NBEA: variants seen among roughly 807,000 people sequenced by gnomAD.
NBEA encodes lysosomal-trafficking regulator 2.
NBEA carries 44 observed loss-of-function variants against 343.4 expected under a neutral mutation model. That is an observed-to-expected ratio of 0.13 (90% confidence interval 0.10 to 0.16). The LOEUF is 0.16. Ranked by LOEUF, NBEA falls within the 10% of genes least tolerant of loss-of-function variation. The pLI is 1.00. For synonymous variants in NBEA, 1,175 were observed against 1,238.7 expected, an observed-to-expected ratio of 0.95 and a Z score of 1.08; for missense variants, 2,555 against 3,631.3, an observed-to-expected ratio of 0.70 and a Z score of 7.62.
At chr13:35,291,604 G>A (rs1022602646) in intron 35 of NBEA, among the ~76,000 whole-genome samples, 2 of 151,842 alleles carry the variant, frequency 1.3e-5, no homozygotes, top group Admixed American at 6.6e-5. Context: ...GGACCTTTTC[G>A]ATTCATGATG....
intron 40 of NBEA, among the ~76,000 whole-genome samples, chr13:35,458,179 G>T (rs2046687372): frequency 6.6e-6 from 1 of 152,190 alleles, no homozygotes; most frequent in African/African-American, 2.4e-5. Context: ...ATTCTCATCA[G>T]CGGCATGTGA....
chr13:35,427,807 G>C (rs2044800651), intron 38 of NBEA, among the ~76,000 whole-genome samples: 1 of 152,196 alleles, frequency 6.6e-6, no homozygotes. Context: ...CCGCTGCTTT[G>C]TTTACCTAAT....
chr13:35,654,303 C>A (rs1204761800), intron 53 of NBEA, among the ~76,000 whole-genome samples: 1 of 152,158 alleles, frequency 6.6e-6, no homozygotes, highest in Non-Finnish European at 1.5e-5. Context: ...CTGGAAAGGC[C>A]TTCTGTCTGT....
chr13:35,086,261 C>T (rs886525253), intron 10 of NBEA, among the ~76,000 whole-genome samples: 4 of 151,932 alleles, frequency 2.6e-5, no homozygotes, highest in East Asian at 1.9e-4. Flanking sequence ...AAAAAGAGCC[C>T]GCATTGCCAA....
At chr13:35,370,667 C>T (rs1009609647) in intron 38 of NBEA, among the ~76,000 whole-genome samples, 1 of 151,920 alleles carries the variant, frequency 6.6e-6, no homozygotes, top group Admixed American at 6.6e-5. Context: ...ATAGTGGTAA[C>T]ATTTGAGTTC....
intron 39 of NBEA, among the ~76,000 whole-genome samples, chr13:35,435,744 A>G (rs983152264): frequency 2.6e-5 from 4 of 152,212 alleles, no homozygotes; most frequent in Non-Finnish European, 5.9e-5. Flanking sequence ...TATCCACTGT[A>G]AATGAGCTTA....
chr13:35,428,969 T>C (rs977896463), intron 38 of NBEA, among the ~76,000 whole-genome samples: 2 of 152,186 alleles, frequency 1.3e-5, no homozygotes, highest in Non-Finnish European at 2.9e-5. Context: ...GAGGCTCTTC[T>C]TTACTGCTTG....
rs567488376 is a variant in NBEA at position 35,090,898 on chromosome 13, C to T, written c.1572-7399C>T. Among the ~76,000 whole-genome samples, 6 of 152,046 alleles carry T rather than the reference C, an allele frequency of 3.9e-5. No individual in the cohort carries two copies. In the South Asian group the frequency reaches 6.2e-4, roughly 16 times the overall value. ...GGGAACAAGAGCAGAATTCACAGTG[C>T]CTTTGAACTGGAAGTGAGTTCACTA... On this transcript the variant is annotated intron_variant, in intron 10 of 58. Transcript: ENST00000379939.
intron 22 of NBEA, 143 bp downstream of exon 22, chr13:35,160,175 G>A (rs948626281): frequency 3.1e-5 from 24 of 769,646 alleles, no homozygotes; most frequent in South Asian, 1.9e-4. Flanking sequence ...TAAATAGTGC[G>A]GTATAATTTC....
At chr13:34,961,404 G>A (rs1477266921) in intron 1 of NBEA, among the ~76,000 whole-genome samples, 1 of 151,896 alleles carries the variant, frequency 6.6e-6, no homozygotes, top group Non-Finnish European at 1.5e-5. Context: ...CAGTTATTCA[G>A]TGTGGGTTAC....
At chr13:35,016,396 G>T (rs1282323025) in intron 1 of NBEA, among the ~76,000 whole-genome samples, 2 of 152,146 alleles carry the variant, frequency 1.3e-5, no homozygotes, top group Non-Finnish European at 2.9e-5. Flanking sequence ...ATACATTGTA[G>T]TAATTAATTC....
At chr13:35,458,884 A>T (rs1318034365) in intron 40 of NBEA, among the ~76,000 whole-genome samples, 1 of 152,086 alleles carries the variant, frequency 6.6e-6, no homozygotes, top group Non-Finnish European at 1.5e-5. Context: ...TGCTACTTTG[A>T]TATTTTTTAA....
intron 8 of NBEA, among the ~76,000 whole-genome samples, chr13:35,068,831 A>G (rs1396965122): frequency 6.6e-6 from 1 of 152,156 alleles, no homozygotes. Context: ...ATATGGAAGA[A>G]CTAGCAACAT....
intron 38 of NBEA, among the ~76,000 whole-genome samples, chr13:35,391,002 C>T (rs1231538362): frequency 6.6e-6 from 1 of 152,128 alleles, no homozygotes; most frequent in African/African-American, 2.4e-5. Context: ...ATTCCAGGTG[C>T]AGTGGCTCAT....
At chr13:35,297,233 CTT>C (rs1297192383) in intron 35 of NBEA, among the ~76,000 whole-genome samples, 1 of 151,974 alleles carries the variant, frequency 6.6e-6, no homozygotes, top group African/African-American at 2.4e-5. Context: ...ATTTCAAACT[CTT>C]TTATTTCACG....
chr13:35,417,084 C>G (rs2043958752), intron 38 of NBEA, among the ~76,000 whole-genome samples: 2 of 152,022 alleles, frequency 1.3e-5, no homozygotes, highest in Non-Finnish European at 2.9e-5. Flanking sequence ...GTGGTGATGT[C>G]CCCTTTATCA....
At chr13:35,112,172 C>T (rs921791774) in intron 13 of NBEA, among the ~76,000 whole-genome samples, 1 of 151,800 alleles carries the variant, frequency 6.6e-6, no homozygotes, top group African/African-American at 2.4e-5. Flanking sequence ...CTGACTCGGC[C>T]TCCCATTTTA....
intron 35 of NBEA, among the ~76,000 whole-genome samples, chr13:35,306,188 C>T (rs1413168964): frequency 6.6e-6 from 1 of 152,038 alleles, no homozygotes; most frequent in East Asian, 1.9e-4. Context: ...TTTTTTCCTG[C>T]AAGCCTCTTC....
chr13:34,985,342 T>C (rs2060507846), intron 1 of NBEA, among the ~76,000 whole-genome samples: 1 of 151,154 alleles, frequency 6.6e-6, no homozygotes, highest in African/African-American at 2.4e-5. Context: ...GGATTATGTT[T>C]ATTGATTTGC....
Sources: gnomAD v4.1 joint callset for allele counts (sites outside exome capture counted in the v4.1 genomes callset) on GRCh38, gnomAD v4.1.1 for gene constraint, MANE v1.5 for transcripts, NCBI Gene and HGNC (gene_info 2026-07-23, HGNC 2026-07-21) for gene names.